Variants in PPP2R2B observed in about 807,000 individuals in gnomAD.
PPP2R2B encodes serine/threonine-protein phosphatase 2A 55 kDa regulatory subunit B beta isoform.
A neutral mutation model predicts 46.0 loss-of-function variants in PPP2R2B; 5 were observed. The ratio of observed to expected loss-of-function variants is 0.11; its 90% CI spans 0.06 to 0.23. The LOEUF is 0.23. Ranked by LOEUF, PPP2R2B falls within the 10% of genes least tolerant of loss-of-function variation. The pLI, the probability that PPP2R2B is intolerant of heterozygous loss-of-function variation, is 1.00. For synonymous variants in PPP2R2B, 215 were observed against 206.7 expected, an observed-to-expected ratio of 1.04 and a Z score of -0.34; for missense variants, 367 against 575.0, an observed-to-expected ratio of 0.64 and a Z score of 3.70.
At position 147,001,523 on chromosome 5, in the gene PPP2R2B, C is replaced by G. The variant is rs140916618; in HGVS notation, c.79+54142G>C. 6.4e-3 allele frequency among the ~76,000 whole-genome samples: 980 copies of G among 152,214 alleles called. 9 individuals are homozygous for G. The highest frequency in any genetic ancestry group is 0.023 in the African/African-American group (937 of 41,546). On this transcript the variant is annotated intron_variant, in intron 1 of 8. Coordinates refer to the PPP2R2B transcript ENST00000336640. Reference sequence around the variant, plus strand: ...TGGACACATCTGAACGTCAGAGGAACAAACTCTGGACACACCATCTTTAAG... The same window carrying G: ...TGGACACATCTGAACGTCAGAGGAAGAAACTCTGGACACACCATCTTTAAG...
intron 5 of PPP2R2B, among the ~76,000 whole-genome samples, chr5:146,674,754 G>GAGA: frequency 6.6e-6 from 1 of 152,206 alleles, no homozygotes; most frequent in East Asian, 1.9e-4. Flanking sequence ...CAAAAGTTCT[G>GAGA]GGAACTTAGT....
intron 2 of PPP2R2B, among the ~76,000 whole-genome samples, chr5:146,721,488 T>C (rs766369732): frequency 6.6e-6 from 1 of 152,226 alleles, no homozygotes; most frequent in African/African-American, 2.4e-5. Flanking sequence ...GGTAGGATTC[T>C]CTTTGATTTG....
chr5:146,897,915 C>T (rs183552496), intron 1 of PPP2R2B, among the ~76,000 whole-genome samples: 195 of 152,260 alleles, frequency 1.3e-3, no homozygotes, highest in Middle Eastern at 3.4e-3. Flanking sequence ...AAAGGCCAGG[C>T]GCAGTGGCTC....
chr5:146,851,491 C>G (rs1250621879), intron 2 of PPP2R2B, among the ~76,000 whole-genome samples: 1 of 152,100 alleles, frequency 6.6e-6, no homozygotes, highest in Non-Finnish European at 1.5e-5. Flanking sequence ...ATTGCTTCAT[C>G]ATGATTGTAA....
intron 2 of PPP2R2B, chr5:146,707,153 G>A: frequency 1.3e-6 from 2 of 1,596,348 alleles, no homozygotes; most frequent in South Asian, 2.2e-5. Context: ...TCCTGGCCCA[G>A]AGTCTCCAGC....
intron 2 of PPP2R2B, among the ~76,000 whole-genome samples, chr5:146,729,237 C>T (rs1752079709): frequency 6.6e-6 from 1 of 152,082 alleles, no homozygotes; most frequent in South Asian, 2.1e-4. Context: ...TTGCCCCTGC[C>T]CTAGAGATTT....
intron 4 of PPP2R2B, among the ~76,000 whole-genome samples, chr5:146,695,017 G>A (rs763710745): frequency 6.6e-6 from 1 of 151,928 alleles, no homozygotes; most frequent in Non-Finnish European, 1.5e-5. Context: ...AGGACTAATC[G>A]TAGGAGGCTT....
At chr5:147,068,074 C>T (rs998509993) in intron 2 of PPP2R2B, among the ~76,000 whole-genome samples, 16 of 152,106 alleles carry the variant, frequency 1.1e-4, no homozygotes, top group African/African-American at 3.9e-4. Flanking sequence ...GTTTACTAAA[C>T]TTAGCAAATA....
intron 1 of PPP2R2B, among the ~76,000 whole-genome samples, chr5:147,015,543 C>G (rs1039977256): frequency 4.6e-5 from 7 of 151,548 alleles, no homozygotes; most frequent in African/African-American, 1.7e-4. Context: ...TTCTCTGATT[C>G]CTCCAGCAGG....
At chr5:146,900,526 C>A (rs1029810025) in intron 1 of PPP2R2B, among the ~76,000 whole-genome samples, 1 of 149,294 alleles carries the variant, frequency 6.7e-6, no homozygotes, top group African/African-American at 2.5e-5. Flanking sequence ...TTTCTTTCTC[C>A]TTTCCTTTCC....
At chr5:146,962,203 C>G (rs188237875) in intron 1 of PPP2R2B, among the ~76,000 whole-genome samples, 1 of 150,000 alleles carries the variant, frequency 6.7e-6, no homozygotes, top group East Asian at 2.0e-4. Context: ...GCACAATACA[C>G]TTGTTTTTTT....
chr5:146,880,216 T>A (rs1252132267), upstream of PPP2R2B, among the ~76,000 whole-genome samples: 1 of 151,310 alleles, frequency 6.6e-6, no homozygotes, highest in East Asian at 1.9e-4. Context: ...TGTGTGTGTG[T>A]GTGTGTGTGG....
At chr5:147,056,045 C>A (rs1181179887), upstream of PPP2R2B, 5 of 1,169,290 alleles carry the variant, frequency 4.3e-6, no homozygotes, top group African/African-American at 1.5e-5. Flanking sequence ...GTCAGTCCTG[C>A]CTGTAAACAC....
chr5:146,927,985 C>G (rs1763838195), intron 1 of PPP2R2B, among the ~76,000 whole-genome samples: 1 of 152,110 alleles, frequency 6.6e-6, no homozygotes, highest in Non-Finnish European at 1.5e-5. Flanking sequence ...CGTGATCCAC[C>G]CGCCTTGGCC....
At chr5:146,952,105 G>T (rs7711304) in intron 1 of PPP2R2B, among the ~76,000 whole-genome samples, 1 of 151,560 alleles carries the variant, frequency 6.6e-6, no homozygotes, top group Admixed American at 6.6e-5. Flanking sequence ...AAAATTCTAC[G>T]TATATGAGTA....
chr5:146,933,004 C>A (rs954282734), intron 1 of PPP2R2B, among the ~76,000 whole-genome samples: 1 of 152,086 alleles, frequency 6.6e-6, no homozygotes, highest in Non-Finnish European at 1.5e-5. Context: ...TTACCTGTAC[C>A]AGCACTAAGC....
intron 1 of PPP2R2B, chr5:147,054,516 T>C (rs1561602634): frequency 4.7e-6 from 2 of 426,834 alleles, no homozygotes; most frequent in Admixed American, 5.3e-5. Flanking sequence ...TCAATGTCTA[T>C]GAAAAATACC....
At chr5:146,974,751 G>A (rs979193278) in intron 1 of PPP2R2B, among the ~76,000 whole-genome samples, 2 of 148,826 alleles carry the variant, frequency 1.3e-5, no homozygotes, top group Admixed American at 1.4e-4. Context: ...GTGCAGTGTA[G>A]CAATCTCAGC....
At chr5:146,707,192 C>G (rs555565040) in intron 2 of PPP2R2B, 5 of 1,573,622 alleles carry the variant, frequency 3.2e-6, no homozygotes, top group East Asian at 4.5e-5. Context: ...ATGTAGCTCT[C>G]GAATATGTTG....
Sources: allele counts gnomAD v4.1 joint callset (sites outside exome capture counted in the v4.1 genomes callset), GRCh38; gene constraint gnomAD v4.1.1; transcripts MANE v1.5; gene names NCBI Gene and HGNC (gene_info 2026-07-23, HGNC 2026-07-21).